SYT1: variants seen among roughly 807,000 people sequenced by gnomAD.
SYT1 encodes the protein synaptotagmin 1, also known as synaptotagmin-1.
Under a neutral mutation model 44.8 loss-of-function variants are expected in SYT1, and 8 were observed. The ratio of observed to expected loss-of-function variants is 0.18; its 90% CI spans 0.10 to 0.32. The LOEUF (loss-of-function observed/expected upper bound fraction) is 0.32, where lower values mean the gene tolerates loss of function less well. Among genes scored for constraint, SYT1 ranks in the 10% least tolerant of loss-of-function variants. SYT1 has a pLI of 1.00. For synonymous variants in SYT1, 154 were observed against 188.8 expected (o/e 0.82, Z 1.51); for missense variants, 286 against 509.3 (o/e 0.56, Z 4.22).
intron 3 of SYT1, among the ~76,000 whole-genome samples, chr12:79,190,035 T>A (rs946677347): frequency 6.6e-6 from 1 of 152,200 alleles, no homozygotes; most frequent in Non-Finnish European, 1.5e-5. Flanking sequence ...TATTTTGCCT[T>A]CCACTCTGGT....
rs531635880 is a variant in SYT1, at chr12:79,309,970, T to C, written c.810+10419T>C. Among the ~76,000 whole-genome samples the C allele has an allele frequency of 2.0e-5, 3 of 152,280 alleles. No individual in the cohort carries two copies. The South Asian group carries it at 6.2e-4, about 32-fold the overall frequency. ...ATTTTCTCCCATTTTGTAGGTTGCC[T>C]GTTCACTCTGATGGTAGTTTCTTTT... On this transcript the variant is annotated intron_variant, in intron 8 of 10. Coordinates refer to ENST00000261205, the MANE Select transcript of SYT1 (RefSeq NM_005639.3).
At chr12:79,246,265 G>C (rs777852514) in intron 4 of SYT1, among the ~76,000 whole-genome samples, 1 of 151,970 alleles carries the variant, frequency 6.6e-6, no homozygotes, top group African/African-American at 2.4e-5. Flanking sequence ...ACTTATTTTC[G>C]CCTCTACTCT....
chr12:79,011,671 A>C (rs1286215082), intron 2 of SYT1, among the ~76,000 whole-genome samples: 1 of 151,498 alleles, frequency 6.6e-6, no homozygotes, highest in Admixed American at 6.6e-5. Context: ...AAAAAAAAAA[A>C]AAAAAACACC....
chr12:79,076,234 G>A (rs1340751732), intron 3 of SYT1, among the ~76,000 whole-genome samples: 3 of 152,064 alleles, frequency 2.0e-5, no homozygotes, highest in South Asian at 4.1e-4. Context: ...TCAGAGATAA[G>A]GATGTTTCTT....
intron 10 of SYT1, among the ~76,000 whole-genome samples, chr12:79,445,006 G>A (rs1295324349): frequency 6.6e-6 from 1 of 151,998 alleles, no homozygotes; most frequent in African/African-American, 2.4e-5. Flanking sequence ...ACTGCATAAA[G>A]CAACACTATT....
At chr12:78,908,350 C>T (rs1049432253) in intron 1 of SYT1, among the ~76,000 whole-genome samples, 10 of 148,858 alleles carry the variant, frequency 6.7e-5, no homozygotes, top group African/African-American at 2.4e-4. Context: ...TTTAAAATTA[C>T]AAATTTTGAA....
At chr12:79,263,320 C>A (rs1030326218) in intron 4 of SYT1, among the ~76,000 whole-genome samples, 1 of 150,316 alleles carries the variant, frequency 6.7e-6, no homozygotes, top group African/African-American at 2.4e-5. Flanking sequence ...TTTCTTTCTG[C>A]CTAATAATAC....
chr12:79,233,645 C>T (rs978066734), intron 4 of SYT1, among the ~76,000 whole-genome samples: 1 of 152,196 alleles, frequency 6.6e-6, no homozygotes, highest in African/African-American at 2.4e-5. Context: ...GTCATTCATC[C>T]ACCTTTCTTT....
intron 2 of SYT1, among the ~76,000 whole-genome samples, chr12:79,006,924 A>G (rs1395961572): frequency 6.6e-6 from 1 of 152,086 alleles, no homozygotes; most frequent in Non-Finnish European, 1.5e-5. Flanking sequence ...AGCTCCTGAT[A>G]TTTCTTGCTT....
intron 9 of SYT1, among the ~76,000 whole-genome samples, chr12:79,386,090 C>T (rs1157313330): frequency 1.3e-5 from 2 of 152,136 alleles, no homozygotes; most frequent in African/African-American, 4.8e-5. Context: ...CATCTGGGGC[C>T]TTGAATTACC....
intron 9 of SYT1, chr12:79,419,435 C>A: frequency 2.8e-6 from 1 of 355,474 alleles, no homozygotes; most frequent in Non-Finnish European, 5.7e-6. Flanking sequence ...GGTGGGATCA[C>A]ACTGGCTAAC....
chr12:78,976,571 A>T (rs1868853318), intron 1 of SYT1: 1 of 152,242 alleles, frequency 6.6e-6, no homozygotes, highest in Non-Finnish European at 1.5e-5. Context: ...TGAAAGCTGT[A>T]TGGTATTATG....
chr12:79,105,187 G>C (rs989976656), intron 3 of SYT1, among the ~76,000 whole-genome samples: 1 of 152,148 alleles, frequency 6.6e-6, no homozygotes, highest in Non-Finnish European at 1.5e-5. Flanking sequence ...TTTGTTTAGC[G>C]TTGACCACAT....
At chr12:79,284,327 G>A (rs935143156) in intron 4 of SYT1, among the ~76,000 whole-genome samples, 3 of 152,068 alleles carry the variant, frequency 2.0e-5, no homozygotes, top group Non-Finnish European at 4.4e-5. Flanking sequence ...GTATATTTAT[G>A]TATATATGTT....
chr12:78,984,556 C>A (rs11833457), intron 2 of SYT1, among the ~76,000 whole-genome samples: 4 of 151,604 alleles, frequency 2.6e-5, no homozygotes, highest in African/African-American at 9.7e-5. Flanking sequence ...CAACAAAAAC[C>A]TAATGTGTCT....
Position 79,045,192 on chromosome 12 carries a change from G to A in SYT1, c.-83-2105G>A, listed in dbSNP as rs539594033. Among the ~76,000 whole-genome samples the A allele has an allele frequency of 4.0e-3, 602 of 152,322 alleles. 7 individuals are homozygous for A. The highest frequency in any genetic ancestry group is 4.5e-3 in the Non-Finnish European group (308 of 68,030). On this transcript the variant is annotated intron_variant, in intron 2 of 10. Transcript: ENST00000261205. ...CTGCTTTGTTTACCTAAGCAAGCCC[G>A]GGCAATGGCGGGCGCCCCTCCCCCA...
At chr12:79,067,319 G>A (rs1270424379) in intron 3 of SYT1, among the ~76,000 whole-genome samples, 3 of 151,864 alleles carry the variant, frequency 2.0e-5, no homozygotes, top group African/African-American at 7.3e-5. Context: ...TCCTACAGTT[G>A]ACTTTAAGTT....
chr12:79,233,929 C>T (rs114145811), intron 4 of SYT1, among the ~76,000 whole-genome samples: 1,926 of 152,272 alleles, frequency 0.013, 42 homozygotes, highest in African/African-American at 0.042. Context: ...TTGATGCCGC[C>T]TTGCCTCTAC....
At chr12:79,354,980 C>T (rs1416019400) in intron 9 of SYT1, among the ~76,000 whole-genome samples, 1 of 152,156 alleles carries the variant, frequency 6.6e-6, no homozygotes, top group Non-Finnish European at 1.5e-5. Flanking sequence ...GTCTAGTACT[C>T]TGCTAGTCTT....
Sources: gnomAD v4.1 joint callset for allele counts (sites outside exome capture counted in the v4.1 genomes callset) on GRCh38, gnomAD v4.1.1 for gene constraint, MANE v1.5 for transcripts, NCBI Gene and HGNC (gene_info 2026-07-23, HGNC 2026-07-21) for gene names.